Variants in PLEKHG1 observed in about 807,000 individuals in gnomAD.
PLEKHG1 encodes pleckstrin homology domain-containing family G member 1.
A neutral mutation model predicts 100.8 loss-of-function variants in PLEKHG1; 44 were observed. The observed-to-expected ratio is 0.44, with a 90% CI of 0.34 to 0.56. PLEKHG1 has a LOEUF of 0.56. Among genes scored for constraint, PLEKHG1 ranks in the 20% least tolerant of loss-of-function variants. The pLI, the probability that PLEKHG1 is intolerant of heterozygous loss-of-function variation, is 0.01. For synonymous variants in PLEKHG1, 640 were observed against 662.5 expected (o/e 0.97, Z 0.52); for missense variants, 1,545 against 1,720.9 (o/e 0.90, Z 1.81).
In PLEKHG1 at chr6:150,660,891, G is replaced by A. The variant is rs138252476; in HGVS notation, c.-99+10105G>A. Among the ~76,000 whole-genome samples, 92 of 152,300 alleles carry A rather than the reference G, an allele frequency of 6.0e-4. 1 individual carries two copies. In the East Asian group the frequency reaches 0.017, roughly 28 times the overall value. On this transcript the variant is annotated intron_variant, in intron 3 of 3. Coordinates refer to the PLEKHG1 transcript ENST00000367326. ...CAGTGTTTTGCCTACATAGAAAAAGGTGTTTGTGGAAATACTTACCTAAGG... is the reference window on the plus strand; with the variant it reads ...CAGTGTTTTGCCTACATAGAAAAAGATGTTTGTGGAAATACTTACCTAAGG...
At chr6:150,814,149 G>A (rs549108643) in intron 10 of PLEKHG1, among the ~76,000 whole-genome samples, 1 of 152,264 alleles carries the variant, frequency 6.6e-6, no homozygotes, top group African/African-American at 2.4e-5. Flanking sequence ...CATGCAGAGA[G>A]GGGACTGCAT....
chr6:150,787,820 G>A (rs2128653612), intron 4 of PLEKHG1, among the ~76,000 whole-genome samples: 1 of 152,284 alleles, frequency 6.6e-6, no homozygotes, highest in African/African-American at 2.4e-5. Flanking sequence ...TTGTGTGTGT[G>A]TGTTCACATG....
intron 15 of PLEKHG1, among the ~76,000 whole-genome samples, chr6:150,835,546 T>TGGTTTATTACATGACA (rs1369522495): frequency 1.3e-5 from 2 of 152,202 alleles, no homozygotes; most frequent in Non-Finnish European, 2.9e-5. Context: ...AGAGACATTC[T>TGGTTTATTACATGACA]TGCGATTGTC....
At chr6:150,723,138 G>A (rs959636759) in intron 1 of PLEKHG1, among the ~76,000 whole-genome samples, 1 of 152,122 alleles carries the variant, frequency 6.6e-6, no homozygotes, top group African/African-American at 2.4e-5. Flanking sequence ...TGGGTTTTCA[G>A]GATTGGAGTC....
chr6:150,637,669 G>C (rs555969283), intron 1 of PLEKHG1, among the ~76,000 whole-genome samples: 1 of 152,194 alleles, frequency 6.6e-6, no homozygotes, highest in African/African-American at 2.4e-5. Flanking sequence ...ATAGTTGATT[G>C]TGTGTGTGAG....
chr6:150,824,702 G>C (rs1284655805), intron 14 of PLEKHG1, among the ~76,000 whole-genome samples: 3 of 128,890 alleles, frequency 2.3e-5, no homozygotes, highest in Non-Finnish European at 5.2e-5. Context: ...GCTGATTTTT[G>C]TATTTTTAGT....
intron 1 of PLEKHG1, among the ~76,000 whole-genome samples, chr6:150,622,655 C>G (rs1777349210): frequency 6.6e-6 from 1 of 152,200 alleles, no homozygotes. Context: ...GACGGATCCC[C>G]TAATCACCTC....
At chr6:150,782,702 T>G (rs1011805376) in intron 3 of PLEKHG1, among the ~76,000 whole-genome samples, 1 of 152,082 alleles carries the variant, frequency 6.6e-6, no homozygotes, top group Non-Finnish European at 1.5e-5. Flanking sequence ...ATTACAAATT[T>G]GCAAAAAGGG....
intron 3 of PLEKHG1, among the ~76,000 whole-genome samples, chr6:150,659,756 A>G (rs1206572335): frequency 6.6e-6 from 1 of 152,190 alleles, no homozygotes; most frequent in Non-Finnish European, 1.5e-5. Context: ...AGCAATTTTA[A>G]TTATATATTG....
intron 2 of PLEKHG1, among the ~76,000 whole-genome samples, chr6:150,765,268 G>T (rs1447401395): frequency 6.6e-6 from 1 of 152,096 alleles, no homozygotes; most frequent in Admixed American, 6.6e-5. Flanking sequence ...CAAGGCAAGT[G>T]GATCACCTGA....
intron 2 of PLEKHG1, among the ~76,000 whole-genome samples, chr6:150,648,255 G>C (rs946216816): frequency 2.0e-5 from 3 of 151,896 alleles, no homozygotes; most frequent in Non-Finnish European, 4.4e-5. Context: ...ATCTTTCTAG[G>C]TATTCAACCT....
exon 1 of PLEKHG1, chr6:150,721,168 C>T: frequency 1.0e-6 from 1 of 985,334 alleles, no homozygotes; most frequent in African/African-American, 1.7e-5. Flanking sequence ...CAGCTGAAGG[C>T]AGACGATGTG....
intron 4 of PLEKHG1, among the ~76,000 whole-genome samples, chr6:150,792,856 TACA>T (rs1454705486): frequency 2.6e-5 from 4 of 152,034 alleles, no homozygotes; most frequent in Non-Finnish European, 4.4e-5. Context: ...GCACAAAATA[TACA>T]AGATAGTCTG....
intron 3 of PLEKHG1, among the ~76,000 whole-genome samples, chr6:150,659,063 G>T (rs1779079923): frequency 6.6e-6 from 1 of 152,178 alleles, no homozygotes; most frequent in African/African-American, 2.4e-5. Context: ...CCCAAGCCCA[G>T]TGTCATCTTC....
At chr6:150,662,348 A>G (rs1562419293) in intron 3 of PLEKHG1, 1 of 152,206 alleles carries the variant, frequency 6.6e-6, no homozygotes, top group Non-Finnish European at 1.5e-5. Context: ...CCCGGAACAG[A>G]TTTTCCTGTA....
rs182898779 is a variant in PLEKHG1 at position 150,774,483 on chromosome 6, C to A, written c.512+5745C>A. Among the ~76,000 whole-genome samples the A allele has an allele frequency of 1.4e-3, 210 of 150,922 alleles. No homozygotes were observed. In the Middle Eastern group the frequency reaches 0.024, roughly 17 times the overall value. On this transcript the variant is annotated intron_variant, in intron 3 of 15. Coordinates refer to ENST00000358517, the Ensembl canonical transcript of PLEKHG1. ...TCATATGTAACATTACTAGAATAAA[C>A]CCTACCCAGTCACAATGTTTTGTCT...
intron 1 of PLEKHG1, among the ~76,000 whole-genome samples, chr6:150,722,690 C>A (rs982791790): frequency 2.0e-5 from 3 of 152,160 alleles, no homozygotes; most frequent in Non-Finnish European, 4.4e-5. Context: ...TAATGTACTT[C>A]ATGGATTTAT....
At chr6:150,627,258 T>TAAA (rs1777547073) in intron 1 of PLEKHG1, among the ~76,000 whole-genome samples, 1 of 152,252 alleles carries the variant, frequency 6.6e-6, no homozygotes, top group Non-Finnish European at 1.5e-5. Context: ...ATCATTTCTC[T>TAAA]TCCTAAGCTG....
intron 3 of PLEKHG1, among the ~76,000 whole-genome samples, chr6:150,676,229 G>T (rs1289193115): frequency 1.3e-5 from 2 of 152,202 alleles, no homozygotes; most frequent in Non-Finnish European, 2.9e-5. Context: ...CTTAATTCAT[G>T]TGCCCACACA....
Sources: gnomAD v4.1 joint callset for allele counts (sites outside exome capture counted in the v4.1 genomes callset) on GRCh38, gnomAD v4.1.1 for gene constraint, MANE v1.5 for transcripts, NCBI Gene and HGNC (gene_info 2026-07-23, HGNC 2026-07-21) for gene names.